Variants in SNX24 observed in about 807,000 individuals in gnomAD.
SNX24 encodes the protein sorting nexin 24, also known as sorting nexin-24.
A neutral mutation model predicts 28.7 loss-of-function variants in SNX24; 22 were observed. The ratio of observed to expected loss-of-function variants is 0.77; its 90% confidence interval spans 0.55 to 1.10. The LOEUF (loss-of-function observed/expected upper bound fraction) is 1.10, where lower values mean the gene tolerates loss of function less well. SNX24 is among the 50% of genes least tolerant of loss of function. The pLI, the probability that SNX24 is intolerant of heterozygous loss-of-function variation, is 0.00. For synonymous variants in SNX24, 69 were observed against 71.5 expected (o/e 0.96, Z 0.18); for missense variants, 221 against 201.1 (o/e 1.10, Z -0.60).
chr5:122,912,198 T>C (rs1757920753), intron 1 of SNX24, among the ~76,000 whole-genome samples: 2 of 137,250 alleles, frequency 1.5e-5, no homozygotes, highest in Non-Finnish European at 3.1e-5. Flanking sequence ...CCCTTGTAAG[T>C]TGGATTCCTA....
At chr5:122,988,172 C>T (rs1238097534) in intron 3 of SNX24, among the ~76,000 whole-genome samples, 5 of 152,038 alleles carry the variant, frequency 3.3e-5, no homozygotes, top group Non-Finnish European at 7.4e-5. Context: ...GCCTGACAAG[C>T]TATCTAGGTT....
intron 1 of SNX24, among the ~76,000 whole-genome samples, chr5:122,882,022 T>C (rs1756503498): frequency 6.6e-6 from 1 of 151,816 alleles, no homozygotes; most frequent in Non-Finnish European, 1.5e-5. Context: ...CAGGCTGGAC[T>C]GCAGCAATGT....
At chr5:122,889,840 G>A (rs1056300832) in intron 1 of SNX24, among the ~76,000 whole-genome samples, 10 of 150,730 alleles carry the variant, frequency 6.6e-5, no homozygotes, top group African/African-American at 2.2e-4. Flanking sequence ...GTCAAATCAG[G>A]AAGTTTAATA....
intron 3 of SNX24, among the ~76,000 whole-genome samples, chr5:122,952,003 C>T (rs751320941): frequency 2.0e-5 from 3 of 152,200 alleles, no homozygotes; most frequent in Non-Finnish European, 4.4e-5. Flanking sequence ...GGAAAATTCT[C>T]TACATAAGAA....
At chr5:122,918,679 G>T (rs1016147554) in intron 1 of SNX24, among the ~76,000 whole-genome samples, 1 of 152,098 alleles carries the variant, frequency 6.6e-6, no homozygotes, top group Admixed American at 6.5e-5. Context: ...AAGAGTATGT[G>T]GTGATGATCT....
chr5:122,870,854 G>C (rs1318301982), intron 1 of SNX24, among the ~76,000 whole-genome samples: 1 of 152,180 alleles, frequency 6.6e-6, no homozygotes, highest in Non-Finnish European at 1.5e-5. Flanking sequence ...GCTGCTGGTG[G>C]ATGGCACATT....
At chr5:122,848,058 A>G (rs1754721853) in intron 1 of SNX24, among the ~76,000 whole-genome samples, 1 of 152,114 alleles carries the variant, frequency 6.6e-6, no homozygotes, top group Non-Finnish European at 1.5e-5. Context: ...AATAATGTAC[A>G]CTTTCGTGTA....
intron 3 of SNX24, among the ~76,000 whole-genome samples, chr5:122,957,775 T>C (rs1208641709): frequency 6.6e-6 from 1 of 152,232 alleles, no homozygotes; most frequent in Non-Finnish European, 1.5e-5. Context: ...TATTTTATTC[T>C]CTTTGATGCT....
Position 123,008,196 on chromosome 5 carries a change from G to GT in SNX24, c.*448dup. ...TCTCACCGTGAGATTTTCTCAGCCA[G>GT]TGATAGTACATTCTGAAATGCTGGC... On this transcript the variant is annotated 3_prime_UTR_variant, in exon 7 of 7. Coordinates refer to ENST00000261369, the MANE Select transcript of SNX24 (RefSeq NM_014035.4). 4 of 986,756 alleles carry GT rather than the reference G, an allele frequency of 4.1e-6. No homozygotes were observed. The highest frequency in any genetic ancestry group is 4.8e-6 in the Non-Finnish European group (4 of 830,988). The allele number at this position is 986,756 out of a possible 1,614,324, so 61.1% of individuals were successfully genotyped here.
chr5:123,017,593 C>A (rs1259182567), intron 5 of SNX24, among the ~76,000 whole-genome samples: 3 of 152,100 alleles, frequency 2.0e-5, no homozygotes, highest in Non-Finnish European at 2.9e-5. Context: ...GCTGTGTCCC[C>A]ACCCAAATCT....
intron 1 of SNX24, among the ~76,000 whole-genome samples, chr5:122,890,852 A>G (rs545404916): frequency 6.6e-6 from 1 of 152,324 alleles, no homozygotes; most frequent in African/African-American, 2.4e-5. Context: ...AATGAGCTGT[A>G]GTTGAGCAAT....
chr5:123,021,448 G>A (rs1762761677), intron 5 of SNX24, among the ~76,000 whole-genome samples: 2 of 152,234 alleles, frequency 1.3e-5, no homozygotes, highest in Admixed American at 1.3e-4. Flanking sequence ...AAGAAATTGG[G>A]CAGCCATCAC....
chr5:122,857,169 G>A (rs576336464), intron 1 of SNX24, among the ~76,000 whole-genome samples: 64 of 151,910 alleles, frequency 4.2e-4, no homozygotes, highest in South Asian at 3.5e-3. Context: ...ACACCACCAC[G>A]CCCGGCTAAT....
chr5:122,845,703 G>A lies in SNX24; in HGVS notation c.60+10G>A. 1.5e-6 allele frequency: 2 copies of A among 1,373,992 alleles called. No homozygotes were observed. The highest frequency in any genetic ancestry group is 1.9e-5 in the South Asian group (1 of 51,506). The allele number at this position is 1,373,992 out of a possible 1,614,324, so 85.1% of individuals were successfully genotyped here. On this transcript the variant is annotated intron_variant, in intron 1 of 6. Coordinates refer to ENST00000261369, the MANE Select transcript of SNX24 (RefSeq NM_014035.4). Reference sequence around the variant, plus strand: ...GGAGCGGGGATACACGGTAGGCGCGGGCCGCGGGCGGACAGGGCCCCGCGA... The same window carrying A: ...GGAGCGGGGATACACGGTAGGCGCGAGCCGCGGGCGGACAGGGCCCCGCGA...
intron 1 of SNX24, among the ~76,000 whole-genome samples, chr5:122,855,033 T>C (rs1026110836): frequency 6.6e-6 from 1 of 152,146 alleles, no homozygotes; most frequent in African/African-American, 2.4e-5. Flanking sequence ...ATCAGGGTGG[T>C]GGTTGCAAAA....
At chr5:122,914,201 T>G (rs1238199542) in intron 1 of SNX24, among the ~76,000 whole-genome samples, 2 of 152,234 alleles carry the variant, frequency 1.3e-5, no homozygotes, top group East Asian at 3.8e-4. Context: ...TATACATTTA[T>G]TGATTTGCAT....
intron 1 of SNX24, among the ~76,000 whole-genome samples, chr5:122,934,329 C>G (rs1759091757): frequency 6.6e-6 from 1 of 152,100 alleles, no homozygotes; most frequent in African/African-American, 2.4e-5. Context: ...CAAAAATGAC[C>G]TGGCATGGTA....
At chr5:122,847,691 T>C (rs1387515398) in intron 1 of SNX24, among the ~76,000 whole-genome samples, 1 of 152,020 alleles carries the variant, frequency 6.6e-6, no homozygotes, top group Non-Finnish European at 1.5e-5. Context: ...ACAGGGTTTC[T>C]CCATGTTGCC....
chr5:122,939,985 A>T (rs1232858447), intron 2 of SNX24, among the ~76,000 whole-genome samples: 5 of 139,742 alleles, frequency 3.6e-5, no homozygotes, highest in Non-Finnish European at 7.7e-5. Flanking sequence ...TTAATTTTTC[A>T]TTTTCATTTT....
Sources: allele counts gnomAD v4.1 joint callset (sites outside exome capture counted in the v4.1 genomes callset), GRCh38; gene constraint gnomAD v4.1.1; transcripts MANE v1.5; gene names NCBI Gene and HGNC (gene_info 2026-07-23, HGNC 2026-07-21).